The following SLC24A2 variants were observed in gnomAD, a reference collection of about 807,000 sequenced individuals.
SLC24A2 encodes the protein sodium/potassium/calcium exchanger 2.
In SLC24A2, 36 loss-of-function variants were observed where a neutral mutation model predicts 62.0. That is an observed-to-expected ratio of 0.58 (90% CI 0.44 to 0.77). SLC24A2 has a LOEUF of 0.77. Among genes scored for constraint, SLC24A2 ranks in the 30% least tolerant of loss-of-function variants. The pLI, the probability that SLC24A2 is intolerant of heterozygous loss-of-function variation, is 0.00. For missense variants in SLC24A2, 846 were observed against 817.9 expected, an observed-to-expected ratio of 1.03 and a Z score of -0.42; for synonymous variants, 358 against 294.0, an observed-to-expected ratio of 1.22 and a Z score of -2.23.
the SLC24A2 span, among the ~76,000 whole-genome samples, chr9:20,141,352 C>G: frequency 6.6e-6 from 1 of 152,004 alleles, no homozygotes; most frequent in Non-Finnish European, 1.5e-5. Flanking sequence ...AGTTAGCCCC[C>G]CTTACTCCAA....
At chr9:19,711,015 C>A (rs1206846278) in intron 2 of SLC24A2, among the ~76,000 whole-genome samples, 1 of 152,060 alleles carries the variant, frequency 6.6e-6, no homozygotes, top group Non-Finnish European at 1.5e-5. Context: ...CCACTTCAGG[C>A]CAAGGAAAGA....
rs1031418981 is a variant in SLC24A2 at position 19,513,351 on chromosome 9, C to T, written c.*2802G>A. The T allele has an allele frequency of 6.6e-6, 1 of 151,902 alleles. No homozygotes were observed. Among genetic ancestry groups the T allele is most frequent in the Non-Finnish European group, 1.5e-5 (1 of 68,020 alleles). 9.4% of individuals were successfully genotyped at this position (151,902 alleles called of 1,614,324 possible). A position where few individuals can be genotyped will look rare whatever the true frequency, so the allele number is the denominator to read the frequency against. ...CTGTACACATCTCTCTGAATTTACC[C>T]TGGCTCAACACATAACCACTTACAG... On this transcript the variant is annotated 3_prime_UTR_variant, in exon 11 of 11. Transcript: ENST00000341998.
intron 2 of SLC24A2, among the ~76,000 whole-genome samples, chr9:19,688,973 A>G (rs1010961062): frequency 2.0e-5 from 3 of 152,190 alleles, no homozygotes. Context: ...TATGAAACAG[A>G]TTAATATACA....
chr9:20,023,153 A>C, the SLC24A2 span, among the ~76,000 whole-genome samples: 8 of 152,196 alleles, frequency 5.3e-5, no homozygotes, highest in African/African-American at 1.7e-4. Context: ...AATCATATCC[A>C]ATATATATTT....
At chr9:19,754,357 G>C (rs1215802491) in intron 2 of SLC24A2, among the ~76,000 whole-genome samples, 1 of 152,168 alleles carries the variant, frequency 6.6e-6, no homozygotes, top group African/African-American at 2.4e-5. Flanking sequence ...TCTCATGACA[G>C]CCTGGCCAGC....
chr9:19,588,185 T>C (rs898778599), intron 5 of SLC24A2, among the ~76,000 whole-genome samples: 13 of 151,414 alleles, frequency 8.6e-5, no homozygotes, highest in Middle Eastern at 6.8e-3. Context: ...TTTCTTTTTT[T>C]TTTTTTTTTC....
At chr9:20,043,892 G>A in the SLC24A2 span, among the ~76,000 whole-genome samples, 3 of 152,060 alleles carry the variant, frequency 2.0e-5, no homozygotes, top group Non-Finnish European at 4.4e-5. Context: ...TTCTACTGTG[G>A]GTAAAATGCT....
the SLC24A2 span, among the ~76,000 whole-genome samples, chr9:20,110,308 C>G: frequency 6.6e-6 from 1 of 152,072 alleles, no homozygotes; most frequent in African/African-American, 2.4e-5. Context: ...GGAAATTTTG[C>G]TTTTGCTCTG....
chr9:20,062,628 A>C, the SLC24A2 span, among the ~76,000 whole-genome samples: 409 of 141,042 alleles, frequency 2.9e-3, 1 homozygote, highest in Admixed American at 4.7e-3. Flanking sequence ...AACAAAAGCC[A>C]AAATTGACAA....
intron 2 of SLC24A2, among the ~76,000 whole-genome samples, chr9:19,672,232 C>A (rs1414218322): frequency 6.8e-6 from 1 of 146,140 alleles, no homozygotes; most frequent in Non-Finnish European, 1.5e-5. Flanking sequence ...TGTTATTGGT[C>A]TGGTTCAGAG....
chr9:19,935,556 G>C, the SLC24A2 span, among the ~76,000 whole-genome samples: 1 of 152,194 alleles, frequency 6.6e-6, no homozygotes, highest in Admixed American at 6.5e-5. Context: ...ACCTGTCCTG[G>C]GGTGCAAGCT....
At chr9:19,579,124 T>C (rs536973576) in intron 5 of SLC24A2, among the ~76,000 whole-genome samples, 2 of 152,290 alleles carry the variant, frequency 1.3e-5, no homozygotes, top group East Asian at 1.9e-4. Flanking sequence ...TTGAATTTGG[T>C]TGTTTCTATT....
At chr9:19,958,416 T>G in the SLC24A2 span, among the ~76,000 whole-genome samples, 1 of 152,190 alleles carries the variant, frequency 6.6e-6, no homozygotes, top group Non-Finnish European at 1.5e-5. Flanking sequence ...TTTGCCACCA[T>G]GGGGATTCCT....
the SLC24A2 span, among the ~76,000 whole-genome samples, chr9:20,233,610 C>T: frequency 1.3e-5 from 2 of 152,158 alleles, no homozygotes; most frequent in African/African-American, 4.8e-5. Flanking sequence ...CATTTTGAGC[C>T]TATGTGTGTC....
chr9:19,618,005 A>G (rs1378433824), intron 4 of SLC24A2, among the ~76,000 whole-genome samples: 2 of 152,224 alleles, frequency 1.3e-5, no homozygotes, highest in Non-Finnish European at 2.9e-5. Flanking sequence ...TTTGAGATCC[A>G]TGTTGGTGGT....
intron 2 of SLC24A2, among the ~76,000 whole-genome samples, chr9:19,754,280 T>C (rs1437763239): frequency 6.6e-6 from 1 of 152,176 alleles, no homozygotes; most frequent in African/African-American, 2.4e-5. Flanking sequence ...AGCCAGTCTC[T>C]TCCTGAAGCC....
At chr9:20,273,967 A>C in the SLC24A2 span, among the ~76,000 whole-genome samples, 1 of 152,192 alleles carries the variant, frequency 6.6e-6, no homozygotes, top group Non-Finnish European at 1.5e-5. Context: ...TAATATGGGT[A>C]TCAGTCATGA....
At chr9:20,205,204 G>A in the SLC24A2 span, among the ~76,000 whole-genome samples, 1 of 152,050 alleles carries the variant, frequency 6.6e-6, no homozygotes, top group African/African-American at 2.4e-5. Flanking sequence ...AAAATGGGGA[G>A]TACACGCAAA....
At chr9:19,940,484 G>A in the SLC24A2 span, among the ~76,000 whole-genome samples, 1 of 152,020 alleles carries the variant, frequency 6.6e-6, no homozygotes, top group Non-Finnish European at 1.5e-5. Context: ...CAACTTCCTC[G>A]TGTAGAATTT....
Sources: allele counts gnomAD v4.1 joint callset (sites outside exome capture counted in the v4.1 genomes callset), GRCh38; gene constraint gnomAD v4.1.1; transcripts MANE v1.5; gene names NCBI Gene and HGNC (gene_info 2026-07-23, HGNC 2026-07-21).